MAGI1: variants seen among roughly 807,000 people sequenced by gnomAD.
MAGI1 encodes membrane associated guanylate kinase, WW and PDZ domain containing 1.
In MAGI1, 58 loss-of-function variants were observed where a neutral mutation model predicts 139.9. The observed-to-expected ratio is 0.41, with a 90% CI of 0.34 to 0.52. MAGI1 has a LOEUF of 0.52. MAGI1 is among the 20% of genes least tolerant of loss of function. The pLI is 0.12. For missense variants in MAGI1, 1,874 were observed against 1,901.6 expected (o/e 0.99, Z 0.27); for synonymous variants, 812 against 737.9 (o/e 1.10, Z -1.63).
At chr3:65,842,491 A>G (rs1559933872) in intron 1 of MAGI1, among the ~76,000 whole-genome samples, 1 of 151,858 alleles carries the variant, frequency 6.6e-6, no homozygotes, top group Non-Finnish European at 1.5e-5. Flanking sequence ...CTTCCCGAGT[A>G]GCTGGGATTA....
At chr3:65,436,211 GA>G (rs1253880590) in intron 10 of MAGI1, among the ~76,000 whole-genome samples, 6 of 150,272 alleles carry the variant, frequency 4.0e-5, no homozygotes, top group Non-Finnish European at 8.8e-5. Context: ...TTAAAGAAAT[GA>G]ATTATTATTC....
intron 1 of MAGI1, among the ~76,000 whole-genome samples, chr3:65,841,250 C>G (rs1163105092): frequency 6.6e-6 from 1 of 151,688 alleles, no homozygotes; most frequent in East Asian, 1.9e-4. Context: ...CACTGATTTT[C>G]TCTATTGTTT....
intron 1 of MAGI1, among the ~76,000 whole-genome samples, chr3:65,686,985 C>T (rs2088102751): frequency 6.6e-6 from 1 of 152,174 alleles, no homozygotes; most frequent in Non-Finnish European, 1.5e-5. Flanking sequence ...GAAACATTCA[C>T]AGTGATTCTA....
chr3:65,685,900 C>T (rs1559785673), intron 1 of MAGI1, among the ~76,000 whole-genome samples: 1 of 152,120 alleles, frequency 6.6e-6, no homozygotes, highest in Non-Finnish European at 1.5e-5. Flanking sequence ...CGTTTTCTTC[C>T]CCTGAAAATT....
intron 2 of MAGI1, among the ~76,000 whole-genome samples, chr3:65,593,126 G>A (rs1452406880): frequency 2.6e-5 from 4 of 151,886 alleles, no homozygotes; most frequent in Non-Finnish European, 5.9e-5. Context: ...TCCATAAACT[G>A]GAGTGTTAAG....
intron 2 of MAGI1, among the ~76,000 whole-genome samples, chr3:65,596,671 AGACTTAG>A (rs1426871038): frequency 6.6e-6 from 1 of 152,214 alleles, no homozygotes; most frequent in Non-Finnish European, 1.5e-5. Context: ...CAGGTCAGTT[AGACTTAG>A]GACTTAGGAA....
intron 1 of MAGI1, among the ~76,000 whole-genome samples, chr3:65,704,216 C>A (rs898591525): frequency 2.6e-5 from 4 of 152,330 alleles, no homozygotes; most frequent in East Asian, 1.9e-4. Context: ...TCCACCAACA[C>A]GAACAGGCTT....
At chr3:65,696,981 A>C (rs898982025) in intron 1 of MAGI1, among the ~76,000 whole-genome samples, 3 of 152,208 alleles carry the variant, frequency 2.0e-5, no homozygotes, top group African/African-American at 7.2e-5. Context: ...CGCTAGCAAG[A>C]CTAATAAAGA....
At chr3:65,659,457 A>G (rs1281435789) in intron 1 of MAGI1, among the ~76,000 whole-genome samples, 1 of 152,192 alleles carries the variant, frequency 6.6e-6, no homozygotes, top group Non-Finnish European at 1.5e-5. Flanking sequence ...TCATTAACAT[A>G]CTAAACCACA....
At chr3:65,580,141 TA>T (rs2081350721) in intron 2 of MAGI1, among the ~76,000 whole-genome samples, 1 of 152,022 alleles carries the variant, frequency 6.6e-6, no homozygotes, top group East Asian at 1.9e-4. Flanking sequence ...CCTGAAAACA[TA>T]GGAAAAAAAT....
intron 1 of MAGI1, among the ~76,000 whole-genome samples, chr3:66,000,465 T>C (rs6788605): frequency 0.54 from 82,044 of 152,002 alleles, 22,743 homozygotes; most frequent in East Asian, 0.71. Flanking sequence ...AAAAAAATTT[T>C]TAAACCTAAT....
intron 1 of MAGI1, among the ~76,000 whole-genome samples, chr3:65,996,162 C>T (rs1370337252): frequency 1.3e-5 from 2 of 152,106 alleles, no homozygotes; most frequent in Non-Finnish European, 2.9e-5. Flanking sequence ...AACTATTGAA[C>T]TTCTCTGAGC....
rs1392503784 is a variant in MAGI1 at position 65,569,706 on chromosome 3, G to A, written c.430+52266C>T. ...AGCCTGGGAAACATAATGAGACCCT[G>A]TCTCTAAAAACAAAAAATAAATTAG... On this transcript the variant is annotated intron_variant, in intron 2 of 22. Coordinates refer to ENST00000402939, the MANE Select transcript of MAGI1 (RefSeq NM_001033057.2). Among the ~76,000 whole-genome samples, 3 of 132,434 alleles carry A rather than the reference G, an allele frequency of 2.3e-5. 1 individual carries two copies. In the South Asian group the frequency reaches 7.7e-4, roughly 34 times the overall value. The allele number at this position is 132,434 out of a possible 152,430, so 86.9% of individuals were successfully genotyped here.
chr3:65,507,114 G>C (rs772423896), intron 2 of MAGI1, among the ~76,000 whole-genome samples: 1 of 152,128 alleles, frequency 6.6e-6, no homozygotes, highest in Non-Finnish European at 1.5e-5. Context: ...ACAATACTAA[G>C]CCTACACCAA....
intron 2 of MAGI1, among the ~76,000 whole-genome samples, chr3:65,508,080 T>C (rs1231893393): frequency 1.3e-5 from 2 of 152,140 alleles, no homozygotes; most frequent in African/African-American, 2.4e-5. Context: ...GTATCAACGG[T>C]ATTATCAGAA....
At chr3:66,022,347 A>AT (rs2068011479) in intron 1 of MAGI1, among the ~76,000 whole-genome samples, 1 of 152,138 alleles carries the variant, frequency 6.6e-6, no homozygotes, top group Non-Finnish European at 1.5e-5. Flanking sequence ...AGCTACATGA[A>AT]TTTTTCCTTT....
In MAGI1 at chr3:65,627,485, C is replaced by CTTTTTTTTTTTTTTTTTTTTT. The variant is rs779588733; in HGVS notation, c.314-5418_314-5398dup. On this transcript the variant is annotated intron_variant, in intron 1 of 22. Transcript: ENST00000402939. ...TTGCCGTTATTTTATATTTCTGTAT[C>CTTTTTTTTTTTTTTTTTTTTT]TTTTTTTTTTTTTTTTTTTTTTTTT... 5.3e-4 allele frequency among the ~76,000 whole-genome samples: 15 copies of CTTTTTTTTTTTTTTTTTTTTT among 28,356 alleles called. 4 individuals carry two copies. The highest frequency in any genetic ancestry group is 7.1e-4 in the African/African-American group (6 of 8,492). 18.6% of individuals were successfully genotyped at this position (28,356 alleles called of 152,430 possible). A position where few individuals can be genotyped will look rare whatever the true frequency, so the allele number is the denominator to read the frequency against.
In MAGI1 at chr3:65,526,924, C is replaced by T. The variant is rs77828551; in HGVS notation, c.431-33293G>A. Among the ~76,000 whole-genome samples the T allele has an allele frequency of 7.9e-5, 12 of 152,216 alleles. 1 individual carries two copies. Among genetic ancestry groups the T allele is most frequent in the Admixed American group, 6.5e-4 (10 of 15,296 alleles). On this transcript the variant is annotated intron_variant, in intron 2 of 22. Transcript: ENST00000402939. ...GGGACCTTCAAAGGCCACCAGCAGG[C>T]AGGAGTGAGAAAGGAAAAAAGAATA...
rs1943901197 is a variant in MAGI1, at chr3:65,391,226, G to C, written c.2332C>G (p.Pro778Ala). Residue 778 changes from proline (P) to alanine (A), a missense_variant, in exon 14 of 23, where the codon CCA (proline) becomes GCA (alanine). This residue lies in a region of MAGI1 where 482 missense variants were observed against 509.6 expected (regional missense o/e 0.95). Coordinates refer to ENST00000402939, the MANE Select transcript of MAGI1 (RefSeq NM_001033057.2). ...PEFPPAEAQAPDQTDSSGQKK... is the reference protein window; with the variant it reads ...PEFPPAEAQAADQTDSSGQKK... ...TGGCCAGAGCTGTCAGTTTGATCTG[G>C]AGCTTGGGCCTCTGCAGGTGGGAAC... The C allele has an allele frequency of 1.9e-6, 3 of 1,614,048 alleles. No homozygotes were observed. The highest frequency in any genetic ancestry group is 1.3e-5 in the African/African-American group (1 of 74,910).
Sources: allele counts gnomAD v4.1 joint callset (sites outside exome capture counted in the v4.1 genomes callset), GRCh38; gene constraint gnomAD v4.1.1; regional missense constraint gnomAD v4.1.1; transcripts MANE v1.5; gene names NCBI Gene and HGNC (gene_info 2026-07-23, HGNC 2026-07-21).